Variants in SPTY2D1 observed in about 807,000 individuals in gnomAD.
The protein encoded by SPTY2D1 is protein SPT2 homolog.
In SPTY2D1, 21 loss-of-function variants were observed where a neutral mutation model predicts 64.0. The ratio of observed to expected loss-of-function variants is 0.33; its 90% confidence interval spans 0.23 to 0.47. The LOEUF (loss-of-function observed/expected upper bound fraction) is 0.47, where lower values mean the gene tolerates loss of function less well. Among genes scored for constraint, SPTY2D1 ranks in the 20% least tolerant of loss-of-function variants. The pLI, the probability that SPTY2D1 is intolerant of heterozygous loss-of-function variation, is 1.00. For missense variants in SPTY2D1, 724 were observed against 837.2 expected (o/e 0.86, Z 1.67); for synonymous variants, 287 against 286.8 (o/e 1.00, Z -0.01).
chr11:18,632,056 G>C (rs1490517172), intron 1 of SPTY2D1, among the ~76,000 whole-genome samples: 1 of 151,834 alleles, frequency 6.6e-6, no homozygotes, highest in Non-Finnish European at 1.5e-5. Context: ...TGAGACAGGA[G>C]AATTGCTTGA....
At chr11:18,628,153 G>A (rs1028937498) in intron 1 of SPTY2D1, among the ~76,000 whole-genome samples, 6 of 152,170 alleles carry the variant, frequency 3.9e-5, no homozygotes, top group East Asian at 1.9e-4. Context: ...GCCTACTACC[G>A]AATTGCTGCA....
chr11:18,633,804 A>C (rs74744244), intron 1 of SPTY2D1, among the ~76,000 whole-genome samples: 9,332 of 152,024 alleles, frequency 0.061, 952 homozygotes, highest in African/African-American at 0.21. Flanking sequence ...AGGACCCCAA[A>C]CCCCCTAACT....
rs771404458 is a variant in SPTY2D1 at position 18,612,465 on chromosome 11, T to A, written c.1735A>T (p.Thr579Ser). Residue 579 changes from threonine (T) to serine (S), a missense_variant, in exon 4 of 6, where the codon ACT becomes TCT. Thr to Ser is a moderately conservative substitution (Grantham distance 58). Transcript: ENST00000336349. The surrounding 1 kb of genome is among the most constrained non-coding windows in gnomAD (Gnocchi z 4.6). ...TATTCTCGCTGCCTTTTGTAACCAG[T>A]AGGGAAGGGAAGCCTTTGAGGACCT... ...AQGPQRLPFP[T>S]GYKRQREYEE... is the part of the protein sequence containing the mutation. The A allele has an allele frequency of 3.4e-5, 54 of 1,603,550 alleles. 1 individual carries two copies. In the South Asian group the frequency reaches 5.8e-4, roughly 17 times the overall value.
Position 18,607,142 on chromosome 11 carries a change from C to T in SPTY2D1, c.*2719G>A, listed in dbSNP as rs1854122097. ...CCTCCCAAAGTGCTGGGATTACAGG[C>T]TTGAGCCACCATGCCCGGCCAGACT... On this transcript the variant is annotated 3_prime_UTR_variant, in exon 6 of 6. Transcript: ENST00000336349. The T allele has an allele frequency of 1.2e-5, 2 of 172,510 alleles. No homozygotes were observed. The highest frequency in any genetic ancestry group is 1.2e-5 in the Non-Finnish European group (1 of 81,752). The allele number at this position is 172,510 out of a possible 1,614,324, so 10.7% of individuals were successfully genotyped here. A position where few individuals can be genotyped will look rare whatever the true frequency, so the allele number is the denominator to read the frequency against.
chr11:18,622,769 T>C (rs1854435123), intron 1 of SPTY2D1, among the ~76,000 whole-genome samples: 1 of 151,884 alleles, frequency 6.6e-6, no homozygotes, highest in Non-Finnish European at 1.5e-5. Context: ...CTGATGAACA[T>C]GATGAAATCC....
chr11:18,632,321 T>A (rs1854600929), intron 1 of SPTY2D1, among the ~76,000 whole-genome samples: 1 of 152,140 alleles, frequency 6.6e-6, no homozygotes, highest in African/African-American at 2.4e-5. Flanking sequence ...AGAGAATGCA[T>A]GATTCATAAA....
rs1242057634 is a variant in SPTY2D1, at chr11:18,607,098, A to C, written c.*2763T>G. 2 of 194,926 alleles carry C rather than the reference A, an allele frequency of 1.0e-5. No homozygotes were observed. Among genetic ancestry groups the C allele is most frequent in the African/African-American group, 4.8e-5 (2 of 41,636 alleles). 12.1% of individuals were successfully genotyped at this position (194,926 alleles called of 1,614,324 possible). A position where few individuals can be genotyped will look rare whatever the true frequency, so the allele number is the denominator to read the frequency against. On this transcript the variant is annotated 3_prime_UTR_variant, in exon 6 of 6. Transcript: ENST00000336349. ...GGCTGGTCTCGAACTCCTGGTCTCA[A>C]GTGATCCGCCCGCCTCGGCCTCCCA...
At chr11:18,628,777 C>T (rs1339586652) in intron 1 of SPTY2D1, among the ~76,000 whole-genome samples, 1 of 152,148 alleles carries the variant, frequency 6.6e-6, no homozygotes, top group Non-Finnish European at 1.5e-5. Context: ...ATAGATCAAA[C>T]ATTACCTGCA....
At chr11:18,626,655 G>A (rs140552382) in intron 1 of SPTY2D1, among the ~76,000 whole-genome samples, 1 of 152,248 alleles carries the variant, frequency 6.6e-6, no homozygotes, top group East Asian at 1.9e-4. Flanking sequence ...GGCAAGTTAC[G>A]GGCCTCAGTT....
In SPTY2D1 at chr11:18,615,563, ACTTT is replaced by A; in HGVS notation, c.707_710del (p.Glu236ValfsTer233). The A allele has an allele frequency of 6.2e-7, 1 of 1,614,154 alleles. No individual in the cohort carries two copies. Among genetic ancestry groups the A allele is most frequent in the Non-Finnish European group, 8.5e-7 (1 of 1,180,006 alleles). ...AACCTTTGCTAAGTTTTGTGCCCAC[ACTTT>A]CTTTCTGAGAGGGTGCCTTTTTGGA... On this transcript the variant is annotated frameshift_variant, in exon 3 of 6. Coordinates refer to ENST00000336349, the MANE Select transcript of SPTY2D1 (RefSeq NM_194285.3). LOFTEE classifies it high-confidence loss of function.
chr11:18,620,473 G>A (rs1368102868), intron 1 of SPTY2D1, among the ~76,000 whole-genome samples: 5 of 145,510 alleles, frequency 3.4e-5, no homozygotes, highest in Admixed American at 2.7e-4. Flanking sequence ...AGTGAGACTC[G>A]GTCTCAAAAA....
intron 2 of SPTY2D1, among the ~76,000 whole-genome samples, chr11:18,616,670 A>T (rs558070455): frequency 6.6e-6 from 1 of 152,216 alleles, no homozygotes; most frequent in Non-Finnish European, 1.5e-5. Context: ...GAAAAAAAGA[A>T]AACGTTTATA....
intron 1 of SPTY2D1, among the ~76,000 whole-genome samples, chr11:18,627,283 G>A (rs1854513579): frequency 1.4e-5 from 2 of 145,626 alleles, no homozygotes; most frequent in Non-Finnish European, 3.0e-5. Context: ...AAAAAAATTA[G>A]CCAGGCGTGG....
chr11:18,611,479 C>A lies in SPTY2D1; in HGVS notation c.1962G>T (p.Lys654Asn). Residue 654 changes from lysine (K) to asparagine (N), a missense_variant and splice_region_variant, in exon 5 of 6, where the codon AAG (lysine) becomes AAT (asparagine). Coordinates refer to ENST00000336349, the MANE Select transcript of SPTY2D1 (RefSeq NM_194285.3). ...AGTATGCTAAATTTTATGCTTACCT[C>A]TTTGCTTCTTCCTTCTGCTGCTCTT... ...SWKEQQKEEA[K>N]SLRLGMQEDL... is the part of the protein sequence containing the mutation. 1 of 1,613,904 alleles carries A rather than the reference C, an allele frequency of 6.2e-7. No individual in the cohort carries two copies. Among genetic ancestry groups the A allele is most frequent in the Non-Finnish European group, 8.5e-7 (1 of 1,179,900 alleles).
chr11:18,615,689 T>G lies in SPTY2D1; in HGVS notation c.585A>C (p.Arg195=). The change falls in exon 3 of 6, where the codon CGA becomes CGC. Residue 195 remains arginine (R), a synonymous_variant. Coordinates refer to ENST00000336349, the MANE Select transcript of SPTY2D1 (RefSeq NM_194285.3). ...CCCTAAGTTCTTCTGCGGTCATAGGTCGCTCTTCTGATTTCTTCACTACCT... is the reference window on the plus strand; with the variant it reads ...CCCTAAGTTCTTCTGCGGTCATAGGGCGCTCTTCTGATTTCTTCACTACCT... ...EIKVVKKSEE[R]PMTAEELRER... 6.2e-7 allele frequency: 1 copy of G among 1,614,114 alleles called. No homozygotes were observed.
rs201553698 is a variant in SPTY2D1, at chr11:18,614,788, T to G, written c.1486A>C (p.Ile496Leu). Residue 496 changes from isoleucine to leucine, a missense_variant, in exon 3 of 6, where the codon ATA (isoleucine) becomes CTA (leucine). Coordinates refer to ENST00000336349, the MANE Select transcript of SPTY2D1 (RefSeq NM_194285.3). ...CGTCCAGCTGGAATTGAGCCACTTATGGATCTCCCAGGGCCACTGACAGAC... is the reference window on the plus strand; with the variant it reads ...CGTCCAGCTGGAATTGAGCCACTTAGGGATCTCCCAGGGCCACTGACAGAC... ...GRSVSGPGRS[I>L]SGSIPAGRTV... 7 of 1,612,882 alleles carry G rather than the reference T, an allele frequency of 4.3e-6. No homozygotes were observed. The highest frequency in any genetic ancestry group is 5.9e-6 in the Non-Finnish European group (7 of 1,179,172).
In SPTY2D1 at chr11:18,618,468, C is replaced by CCTA. The variant is rs141903574; in HGVS notation, c.61-1482_61-1480dup. On this transcript the variant is annotated intron_variant, in intron 1 of 5. Transcript: ENST00000336349. ...GAAAAATATTTCCACTTTATAAGTA[C>CCTA]CTATTATGAGAGAAATATGACGAAC... Among the ~76,000 whole-genome samples the CCTA allele has an allele frequency of 1.8e-4, 27 of 152,190 alleles. 1 individual carries two copies. The East Asian group carries it at 5.2e-3, about 29-fold the overall frequency.
chr11:18,620,822 G>A (rs1854383098), intron 1 of SPTY2D1, among the ~76,000 whole-genome samples: 1 of 147,772 alleles, frequency 6.8e-6, no homozygotes, highest in East Asian at 2.0e-4. Flanking sequence ...GGGAGGCGGA[G>A]CTTGCAGTGA....
chr11:18,623,983 T>C (rs985451908), intron 1 of SPTY2D1, among the ~76,000 whole-genome samples: 1 of 152,234 alleles, frequency 6.6e-6, no homozygotes, highest in African/African-American at 2.4e-5. Context: ...TTTTTGGCTA[T>C]TATGAATAAT....
Sources: gnomAD v4.1 joint callset for allele counts (sites outside exome capture counted in the v4.1 genomes callset) on GRCh38, gnomAD v4.1.1 for gene constraint, Gnocchi (gnomAD v3.1) non-coding constraint, MANE v1.5 for transcripts, NCBI Gene and HGNC (gene_info 2026-07-23, HGNC 2026-07-21) for gene names.